Variants in SUCLG1 observed in about 807,000 individuals in gnomAD.
The protein encoded by SUCLG1 is succinate--CoA ligase [ADP/GDP-forming] subunit alpha, mitochondrial.
Under a neutral mutation model 37.3 loss-of-function variants are expected in SUCLG1, and 26 were observed. The observed-to-expected ratio is 0.70, with a 90% CI of 0.51 to 0.97. SUCLG1 has a LOEUF of 0.97. Ranked by LOEUF, SUCLG1 falls within the 50% of genes least tolerant of loss-of-function variation. The pLI, the probability that SUCLG1 is intolerant of heterozygous loss-of-function variation, is 0.00. For synonymous variants in SUCLG1, 163 were observed against 155.6 expected (o/e 1.05, Z -0.36); for missense variants, 433 against 432.9 (o/e 1.00, Z 0.00).
At chr2:84,445,755 C>G (rs1672839488) in intron 2 of SUCLG1, among the ~76,000 whole-genome samples, 1 of 152,226 alleles carries the variant, frequency 6.6e-6, no homozygotes, top group Admixed American at 6.5e-5. Flanking sequence ...GTCACTTCAA[C>G]TCTTGACGGG....
intron 5 of SUCLG1, chr2:84,433,877 G>A (rs1672645833): frequency 1.0e-5 from 2 of 200,160 alleles, no homozygotes; most frequent in African/African-American, 2.4e-5. Context: ...AGTGTTGGAG[G>A]TGGGGCCCGG....
chr2:84,456,466 T>A (rs2104271701), intron 1 of SUCLG1, among the ~76,000 whole-genome samples: 1 of 152,320 alleles, frequency 6.6e-6, no homozygotes, highest in South Asian at 2.1e-4. Context: ...CTGGCTTTTA[T>A]TCCCTATTTA....
At chr2:84,428,718 T>C (rs1039501601) in intron 7 of SUCLG1, among the ~76,000 whole-genome samples, 8 of 152,202 alleles carry the variant, frequency 5.3e-5, no homozygotes, top group African/African-American at 1.7e-4. Flanking sequence ...TGGGGAAGTG[T>C]AGTCTGAAAA....
intron 8 of SUCLG1, 79 bp from the exon 9 acceptor site, chr2:84,423,851 G>C (rs905612420): frequency 7.0e-7 from 1 of 1,437,460 alleles, no homozygotes; most frequent in Non-Finnish European, 9.6e-7. Context: ...GGATCAAAAT[G>C]ATTTTGAAAC....
rs1360842330 is a variant in SUCLG1 at position 84,425,446 on chromosome 2, G to A, written c.983C>T (p.Ser328Phe). Residue 328 changes from serine (S) to phenylalanine (F), a missense_variant, in exon 8 of 9, where the codon TCT (serine) becomes TTT (phenylalanine). By Grantham distance (155) the Ser-to-Phe change is radical (BLOSUM62 -2). Transcript: ENST00000393868. ...LQSAGVVVSMSPAQLGTTIYK... is the reference protein window; with the variant it reads ...LQSAGVVVSMFPAQLGTTIYK... ...GATCGTGGTTCCCAGCTGTGCAGGA[G>A]ACATACTGACCACAACTCCTGCACT... 6.2e-7 allele frequency: 1 copy of A among 1,614,100 alleles called. No homozygotes were observed. The highest frequency in any genetic ancestry group is 8.5e-7 in the Non-Finnish European group (1 of 1,180,018).
intron 5 of SUCLG1, chr2:84,433,836 C>T (rs1573365744): frequency 4.7e-6 from 1 of 213,832 alleles, no homozygotes; most frequent in East Asian, 1.3e-4. Context: ...GTATTTGTCC[C>T]CTCCAAATCT....
Position 84,451,461 on chromosome 2 carries a change from A to G in SUCLG1, c.98-1709T>C, listed in dbSNP as rs1018560772. ...TACTCACTAACTTAACAAAGATCAG[A>G]CAATTCACTTCTCCTTCCACAGGAG... On this transcript the variant is annotated intron_variant, in intron 1 of 8. Coordinates refer to ENST00000393868, the MANE Select transcript of SUCLG1 (RefSeq NM_003849.4). Among the ~76,000 whole-genome samples, 10 of 152,328 alleles carry G rather than the reference A, an allele frequency of 6.6e-5. No individual in the cohort carries two copies. The East Asian group carries it at 1.9e-3, about 29-fold the overall frequency.
Position 84,448,330 on chromosome 2 carries a change from T to C in SUCLG1, c.201+1319A>G, listed in dbSNP as rs954978973. Among the ~76,000 whole-genome samples the C allele has an allele frequency of 3.3e-5, 5 of 152,246 alleles. No homozygotes were observed. The South Asian group carries it at 8.3e-4, about 25-fold the overall frequency. ...GCCCATTCATTGACAATATTTTCTA[T>C]GGCTGCTTTTGCTGTTAAAATACTT... On this transcript the variant is annotated intron_variant, in intron 2 of 8. Coordinates refer to ENST00000393868, the MANE Select transcript of SUCLG1 (RefSeq NM_003849.4).
Position 84,433,443 on chromosome 2 carries a change from A to G in SUCLG1, c.590-8T>C, listed in dbSNP as rs776359119. ...CAGATCTGGACACAATGCCTTAACG[A>G]AAGAGAATTCAAAAATATTAGATTG... is the stretch of plus-strand genomic sequence containing the variant. On this transcript the variant is annotated splice_polypyrimidine_tract_variant and splice_region_variant and intron_variant, in intron 5 of 8. Transcript: ENST00000393868. The G allele has an allele frequency of 3.7e-6, 6 of 1,612,584 alleles. No individual in the cohort carries two copies. The highest frequency in any genetic ancestry group is 2.2e-5 in the South Asian group (2 of 90,982).
At chr2:84,429,683 G>A (rs1401574912) in intron 7 of SUCLG1, among the ~76,000 whole-genome samples, 2 of 152,144 alleles carry the variant, frequency 1.3e-5, no homozygotes, top group African/African-American at 2.4e-5. Flanking sequence ...GTGAAGGACT[G>A]GAATACCATG....
intron 1 of SUCLG1, among the ~76,000 whole-genome samples, chr2:84,456,243 A>T (rs1182072675): frequency 1.3e-5 from 2 of 152,198 alleles, no homozygotes; most frequent in African/African-American, 4.8e-5. Context: ...GCCAAAAAAA[A>T]ATCAGAGCTT....
At chr2:84,427,137 G>T (rs959545412) in intron 7 of SUCLG1, among the ~76,000 whole-genome samples, 1 of 152,124 alleles carries the variant, frequency 6.6e-6, no homozygotes. Flanking sequence ...AAATGCTTTT[G>T]CATTCAATCT....
At chr2:84,428,599 G>A (rs1672570204) in intron 7 of SUCLG1, among the ~76,000 whole-genome samples, 2 of 152,216 alleles carry the variant, frequency 1.3e-5, no homozygotes, top group Admixed American at 6.5e-5. Flanking sequence ...TCAAGACTTT[G>A]TTGAGCCTAG....
intron 7 of SUCLG1, chr2:84,426,690 A>T (rs1373418923): frequency 6.6e-6 from 1 of 151,980 alleles, no homozygotes; most frequent in African/African-American, 2.4e-5. Flanking sequence ...ACCATAAACT[A>T]ATATATGAAT....
chr2:84,451,957 C>T (rs542191250), intron 1 of SUCLG1, among the ~76,000 whole-genome samples: 3 of 152,254 alleles, frequency 2.0e-5, no homozygotes, highest in Admixed American at 6.5e-5. Context: ...CACATTCCAT[C>T]CTGACAATAA....
At chr2:84,445,522 A>G (rs868654485) in intron 2 of SUCLG1, among the ~76,000 whole-genome samples, 3 of 152,090 alleles carry the variant, frequency 2.0e-5, no homozygotes, top group Non-Finnish European at 4.4e-5. Flanking sequence ...CTCAAACTCA[A>G]CATGTCCAAA....
intron 1 of SUCLG1, among the ~76,000 whole-genome samples, chr2:84,454,262 G>A (rs7607535): frequency 0.053 from 8,129 of 152,228 alleles, 482 homozygotes; most frequent in African/African-American, 0.14. Flanking sequence ...ATCCATGTCT[G>A]CATATAATGT....
At chr2:84,448,048 A>G (rs1366939427) in intron 2 of SUCLG1, among the ~76,000 whole-genome samples, 4 of 151,842 alleles carry the variant, frequency 2.6e-5, no homozygotes, top group African/African-American at 9.7e-5. Context: ...ACAAGGAACA[A>G]AGTTTCATGG....
chr2:84,441,167 A>C (rs1672766563), intron 4 of SUCLG1, 63 bp from the exon 5 acceptor site: 4 of 1,612,658 alleles, frequency 2.5e-6, no homozygotes, highest in Middle Eastern at 3.3e-4. Flanking sequence ...TCATACACAC[A>C]AATACACTCG....
Sources: gnomAD v4.1 joint callset for allele counts (sites outside exome capture counted in the v4.1 genomes callset) on GRCh38, gnomAD v4.1.1 for gene constraint, MANE v1.5 for transcripts, NCBI Gene and HGNC (gene_info 2026-07-23, HGNC 2026-07-21) for gene names.